The following LCA5L variants were observed in gnomAD, a reference collection of about 807,000 sequenced individuals.
LCA5L encodes lebercilin LCA5 like, also known as lebercilin-like protein.
A neutral mutation model predicts 45.4 loss-of-function variants in LCA5L; 35 were observed. That is an observed-to-expected ratio of 0.77 (90% CI 0.59 to 1.02). The LOEUF (loss-of-function observed/expected upper bound fraction) is 1.02, where lower values mean the gene tolerates loss of function less well. Among genes scored for constraint, LCA5L ranks in the 50% least tolerant of loss-of-function variants. LCA5L has a pLI of 0.00. For synonymous variants in LCA5L, 233 were observed against 264.7 expected (o/e 0.88, Z 1.16); for missense variants, 668 against 761.6 (o/e 0.88, Z 1.45).
At chr21:39,430,558 C>T (rs1365215392) in intron 3 of LCA5L, among the ~76,000 whole-genome samples, 2 of 152,102 alleles carry the variant, frequency 1.3e-5, no homozygotes, top group African/African-American at 4.8e-5. Context: ...GTGAGTGACA[C>T]CACCAATCCC....
chr21:39,411,147 T>A (rs1707552165), intron 8 of LCA5L: 3 of 317,912 alleles, frequency 9.4e-6, no homozygotes, highest in African/African-American at 2.2e-5. Context: ...TCCACTTACA[T>A]GAAATTCTAG....
At chr21:39,416,764 A>T (rs1370345206) in intron 7 of LCA5L, among the ~76,000 whole-genome samples, 2 of 152,210 alleles carry the variant, frequency 1.3e-5, no homozygotes, top group African/African-American at 2.4e-5. Flanking sequence ...CAAAACAACA[A>T]CATCAACATC....
intron 3 of LCA5L, among the ~76,000 whole-genome samples, chr21:39,434,424 C>T (rs988718341): frequency 4.6e-5 from 7 of 152,196 alleles, no homozygotes; most frequent in Admixed American, 6.5e-5. Context: ...ATACACTACA[C>T]TTCTCTATTG....
intron 2 of LCA5L, chr21:39,439,042 C>A (rs1383127026): frequency 6.6e-6 from 1 of 152,132 alleles, no homozygotes; most frequent in African/African-American, 2.4e-5. Flanking sequence ...AGTTTCAGGT[C>A]TTGAGGTGGG....
At chr21:39,407,465 C>T (rs1385673300) in intron 10 of LCA5L, among the ~76,000 whole-genome samples, 1 of 152,124 alleles carries the variant, frequency 6.6e-6, no homozygotes, top group African/African-American at 2.4e-5. Context: ...CTTCTTAGAA[C>T]GAACCTACAA....
chr21:39,410,917 A>G (rs1435314147), intron 8 of LCA5L: 3 of 471,070 alleles, frequency 6.4e-6, no homozygotes, highest in South Asian at 3.1e-5. Flanking sequence ...ACATGTAGCT[A>G]CTTCTTCTAA....
chr21:39,429,873 T>G (rs2075471966), intron 3 of LCA5L, among the ~76,000 whole-genome samples: 1 of 151,836 alleles, frequency 6.6e-6, no homozygotes, highest in African/African-American at 2.4e-5. Context: ...CAAAAATTAG[T>G]GGGGTGTGGT....
intron 2 of LCA5L, among the ~76,000 whole-genome samples, chr21:39,438,487 A>C (rs1705206119): frequency 6.6e-6 from 1 of 152,206 alleles, no homozygotes; most frequent in Admixed American, 6.5e-5. Flanking sequence ...TAAAAAAATA[A>C]TAAAGTTCAA....
chr21:39,433,332 T>C (rs2075939016), intron 3 of LCA5L, among the ~76,000 whole-genome samples: 1 of 150,062 alleles, frequency 6.7e-6, no homozygotes, highest in Non-Finnish European at 1.5e-5. Context: ...GCAGGAGAAT[T>C]GCTTGAACCC....
chr21:39,420,636 AT>A (rs1330822618), intron 7 of LCA5L, 69 bp downstream of exon 7: 26 of 1,352,442 alleles, frequency 1.9e-5, no homozygotes, highest in African/African-American at 2.9e-5. Context: ...TAAAGATATA[AT>A]AGACATAAAT....
intron 5 of LCA5L, among the ~76,000 whole-genome samples, chr21:39,426,759 G>C (rs1013893012): frequency 5.9e-5 from 9 of 152,214 alleles, no homozygotes; most frequent in African/African-American, 1.9e-4. Context: ...TTGTGTGTTT[G>C]TAGGATCTAA....
At chr21:39,426,617 T>G (rs1020489642) in intron 5 of LCA5L, among the ~76,000 whole-genome samples, 13 of 152,238 alleles carry the variant, frequency 8.5e-5, no homozygotes, top group African/African-American at 3.1e-4. Context: ...CTATTCACAC[T>G]AAGTGAAATA....
At chr21:39,443,932 G>C (rs1438458890) in intron 2 of LCA5L, 1 of 151,834 alleles carries the variant, frequency 6.6e-6, no homozygotes. Flanking sequence ...TACTCAGGCC[G>C]AGGCAGGAGA....
chr21:39,415,117 G>A (rs1194997478), intron 7 of LCA5L, among the ~76,000 whole-genome samples: 1 of 152,006 alleles, frequency 6.6e-6, no homozygotes, highest in Non-Finnish European at 1.5e-5. Flanking sequence ...GCCTTGGCTG[G>A]TCTTGACTTC....
chr21:39,420,031 T>C (rs1402128185), intron 7 of LCA5L, among the ~76,000 whole-genome samples: 1 of 152,178 alleles, frequency 6.6e-6, no homozygotes. Flanking sequence ...TTGAGTTACA[T>C]TAAAATGTTA....
At chr21:39,428,590 ATATATATAT>A (rs2075208057) in intron 4 of LCA5L, 87 bp from the exon 5 acceptor site, 2 of 35,320 alleles carry the variant, frequency 5.7e-5, no homozygotes, top group Admixed American at 3.8e-4. Flanking sequence ...ATATATATAT[ATATATATAT>A]TTTTTTTTTT....
chr21:39,409,929 C>T lies in LCA5L; in HGVS notation c.1282+50G>A. The T allele has an allele frequency of 9.2e-7, 1 of 1,089,206 alleles. No homozygotes were observed. Among genetic ancestry groups the T allele is most frequent in the Middle Eastern group, 2.4e-4 (1 of 4,142 alleles). The allele number at this position is 1,089,206 out of a possible 1,614,324, so 67.5% of individuals were successfully genotyped here. A position where few individuals can be genotyped will look rare whatever the true frequency, so the allele number is the denominator to read the frequency against. Reference sequence around the variant, plus strand: ...TGCTTTATATACACATATAGTAATTCACAATTTTAAAGAAATCAGATAAGA... The same window carrying T: ...TGCTTTATATACACATATAGTAATTTACAATTTTAAAGAAATCAGATAAGA... On this transcript the variant is annotated intron_variant, in intron 10 of 10. Transcript: ENST00000288350. This position sits in a 1 kb window ranked among gnomAD's most constrained non-coding sequence, Gnocchi z 4.2.
chr21:39,437,556 T>C (rs991835425), intron 2 of LCA5L, among the ~76,000 whole-genome samples: 3 of 152,040 alleles, frequency 2.0e-5, no homozygotes, highest in Non-Finnish European at 4.4e-5. Flanking sequence ...ACCTCCTGGG[T>C]TCAGGTGATC....
At chr21:39,441,810 CTGAT>C (rs1318795486) in intron 2 of LCA5L, among the ~76,000 whole-genome samples, 3 of 152,120 alleles carry the variant, frequency 2.0e-5, no homozygotes, top group African/African-American at 7.2e-5. Context: ...CAGTGTTTGC[CTGAT>C]TATTTTTACT....
Sources: gnomAD v4.1 joint callset for allele counts (sites outside exome capture counted in the v4.1 genomes callset) on GRCh38, gnomAD v4.1.1 for gene constraint, Gnocchi (gnomAD v3.1) non-coding constraint, MANE v1.5 for transcripts, NCBI Gene and HGNC (gene_info 2026-07-23, HGNC 2026-07-21) for gene names.